The following CSPP1 variants were observed in gnomAD, a reference collection of about 807,000 sequenced individuals.
CSPP1 encodes the protein centrosome and spindle pole associated protein 1, also known as centrosome and spindle pole-associated protein 1.
CSPP1 carries 126 observed loss-of-function variants against 164.4 expected under a neutral mutation model. The ratio of observed to expected loss-of-function variants is 0.77; its 90% CI spans 0.66 to 0.89. The LOEUF (loss-of-function observed/expected upper bound fraction) is 0.89, where lower values mean the gene tolerates loss of function less well. Among genes scored for constraint, CSPP1 ranks in the 40% least tolerant of loss-of-function variants. CSPP1 has a pLI of 0.00. For synonymous variants in CSPP1, 472 were observed against 476.7 expected (o/e 0.99, Z 0.13); for missense variants, 1,395 against 1,449.8 (o/e 0.96, Z 0.61).
chr8:67,166,257 A>C (rs1829286684), intron 24 of CSPP1, among the ~76,000 whole-genome samples: 1 of 152,188 alleles, frequency 6.6e-6, no homozygotes, highest in Non-Finnish European at 1.5e-5. Context: ...AAACCAGATA[A>C]GCTGGGTCTG....
At chr8:67,118,968 A>C in intron 15 of CSPP1, 147 bp downstream of exon 15, 1 of 627,700 alleles carries the variant, frequency 1.6e-6, no homozygotes, top group East Asian at 2.8e-5. Flanking sequence ...ACCACAATCC[A>C]TCTTCAGAAC....
At chr8:67,085,133 T>G (rs898971992) in intron 3 of CSPP1, among the ~76,000 whole-genome samples, 20 of 152,162 alleles carry the variant, frequency 1.3e-4, no homozygotes, top group Admixed American at 1.2e-3. Context: ...TTACAGAGTT[T>G]CTGTTTGGGA....
intron 11 of CSPP1, 101 bp downstream of exon 11, chr8:67,113,963 G>A (rs1318222112): frequency 5.3e-5 from 35 of 662,242 alleles, no homozygotes; most frequent in Middle Eastern, 2.6e-4. Context: ...AAAGAGAGTA[G>A]ACCAATTTGA....
intron 21 of CSPP1, among the ~76,000 whole-genome samples, chr8:67,159,919 T>TTTCTTTCTTTCTTTCTTTC: frequency 1.7e-5 from 1 of 59,336 alleles, no homozygotes; most frequent in East Asian, 4.6e-4. Flanking sequence ...TTTCTTTCTT[T>TTTCTTTCTTTCTTTCTTTC]CTTTCCTTTC....
At chr8:67,177,647 TTTTAA>T in intron 26 of CSPP1, 28 bp from the exon 27 acceptor site, 1 of 1,525,346 alleles carries the variant, frequency 6.6e-7, no homozygotes, top group Non-Finnish European at 9.1e-7. Context: ...TTTTCTGACC[TTTTAA>T]TTTGCTTTTG....
At position 67,159,060 on chromosome 8, in the gene CSPP1, A is replaced by AAAG. The variant is rs750079297; in HGVS notation, c.2473_2475dup (p.Glu825dup). ...ACAAAAAGAAGCAGAAAGAAAGAAG[A>AAAG]AAGAAGAAGAAGAAAAATATAACCT... On this transcript the variant is annotated inframe_insertion, in exon 21 of 31. Transcript: ENST00000678616. 2 of 1,612,666 alleles carry AAAG rather than the reference A, an allele frequency of 1.2e-6. No individual in the cohort carries two copies. The highest frequency in any genetic ancestry group is 1.1e-5 in the South Asian group (1 of 90,826).
intron 26 of CSPP1, among the ~76,000 whole-genome samples, chr8:67,176,786 C>T (rs1831757124): frequency 6.6e-6 from 1 of 152,070 alleles, no homozygotes; most frequent in African/African-American, 2.4e-5. Flanking sequence ...AATATGACCT[C>T]ACTGGCCAGG....
At chr8:67,193,408 ATTTG>A (rs1395580110) in intron 29 of CSPP1, 52 bp from the exon 30 acceptor site, 20 of 1,534,368 alleles carry the variant, frequency 1.3e-5, no homozygotes, top group Non-Finnish European at 1.8e-5. Flanking sequence ...TGATTCACTG[ATTTG>A]TGAACATATT....
chr8:67,144,501 A>G (rs1423458137), intron 17 of CSPP1, among the ~76,000 whole-genome samples: 1 of 152,150 alleles, frequency 6.6e-6, no homozygotes, highest in Non-Finnish European at 1.5e-5. Flanking sequence ...GTACAGTGAC[A>G]TAATCACGGC....
intron 6 of CSPP1, 141 bp downstream of exon 6, chr8:67,093,782 G>A (rs533876660): frequency 2.2e-6 from 1 of 464,552 alleles, no homozygotes; most frequent in South Asian, 5.8e-5. Context: ...ACCAAACACA[G>A]GACATTTAAA....
At chr8:67,130,961 C>T (rs902776615) in intron 15 of CSPP1, among the ~76,000 whole-genome samples, 1 of 152,134 alleles carries the variant, frequency 6.6e-6, no homozygotes, top group Non-Finnish European at 1.5e-5. Context: ...GCACTTCAGC[C>T]TGGGCGACAA....
chr8:67,096,234 C>G (rs754975951), intron 7 of CSPP1, among the ~76,000 whole-genome samples: 14 of 152,294 alleles, frequency 9.2e-5, no homozygotes, highest in Middle Eastern at 3.4e-3. Context: ...TCTGCAATAA[C>G]TTGACATAAA....
chr8:67,069,091 C>T (rs1225141468), intron 1 of CSPP1: 1 of 152,234 alleles, frequency 6.6e-6, no homozygotes, highest in Non-Finnish European at 1.5e-5. Flanking sequence ...TTTTCCAATA[C>T]CCTCTTACCA....
At chr8:67,090,325 C>T (rs1389177422) in intron 4 of CSPP1, among the ~76,000 whole-genome samples, 1 of 152,128 alleles carries the variant, frequency 6.6e-6, no homozygotes, top group African/African-American at 2.4e-5. Flanking sequence ...CACTCTGTCA[C>T]CCAGGCTAGA....
chr8:67,096,565 CAAA>C (rs531704184), intron 7 of CSPP1, among the ~76,000 whole-genome samples: 1 of 117,006 alleles, frequency 8.5e-6, no homozygotes, highest in African/African-American at 3.2e-5. Flanking sequence ...ACTCTGTCTC[CAAA>C]AAAAAAAAAA....
chr8:67,162,258 G>C (rs565369973), intron 22 of CSPP1, among the ~76,000 whole-genome samples: 2 of 152,338 alleles, frequency 1.3e-5, no homozygotes, highest in East Asian at 3.9e-4. Flanking sequence ...GCAGGAATTT[G>C]CCTTGAAGAG....
At chr8:67,125,305 TG>T (rs2129552840) in intron 15 of CSPP1, among the ~76,000 whole-genome samples, 1 of 152,316 alleles carries the variant, frequency 6.6e-6, no homozygotes, top group Non-Finnish European at 1.5e-5. Context: ...CTAGCCTTTA[TG>T]GTTTCTGATA....
At chr8:67,159,758 A>G (rs566943150) in intron 21 of CSPP1, among the ~76,000 whole-genome samples, 69 of 150,602 alleles carry the variant, frequency 4.6e-4, no homozygotes, top group Non-Finnish European at 9.3e-4. Context: ...CTGACCTCAG[A>G]TGATCCACCC....
chr8:67,164,606 T>C, intron 24 of CSPP1, 98 bp downstream of exon 24: 1 of 588,352 alleles, frequency 1.7e-6, no homozygotes, highest in Middle Eastern at 2.8e-4. Flanking sequence ...CTAATTCATC[T>C]TACTTAAAAT....
Sources: gnomAD v4.1 joint callset for allele counts (sites outside exome capture counted in the v4.1 genomes callset) on GRCh38, gnomAD v4.1.1 for gene constraint, MANE v1.5 for transcripts, NCBI Gene and HGNC (gene_info 2026-07-23, HGNC 2026-07-21) for gene names.